Variants in ARHGEF3 observed in about 807,000 individuals in gnomAD.
ARHGEF3 encodes Rho guanine nucleotide exchange factor 3.
ARHGEF3 carries 28 observed loss-of-function variants against 63.2 expected under a neutral mutation model. The ratio of observed to expected loss-of-function variants is 0.44; its 90% CI spans 0.33 to 0.61. The LOEUF (loss-of-function observed/expected upper bound fraction) is 0.61, where lower values mean the gene tolerates loss of function less well. ARHGEF3 is among the 20% of genes least tolerant of loss of function. The pLI, the probability that ARHGEF3 is intolerant of heterozygous loss-of-function variation, is 0.03. For synonymous variants in ARHGEF3, 266 were observed against 254.2 expected, an observed-to-expected ratio of 1.05 and a Z score of -0.44; for missense variants, 533 against 659.3, an observed-to-expected ratio of 0.81 and a Z score of 2.10.
intron 2 of ARHGEF3, among the ~76,000 whole-genome samples, chr3:56,971,695 CA>C (rs1157880457): frequency 8.1e-5 from 12 of 147,996 alleles, no homozygotes; most frequent in South Asian, 2.2e-4. Context: ...ACTAAAAATA[CA>C]AAAAAAAAAT....
At chr3:56,958,914 C>T in intron 2 of ARHGEF3, 3 of 1,540,650 alleles carry the variant, frequency 1.9e-6, no homozygotes, top group Non-Finnish European at 2.6e-6. Flanking sequence ...ACAATGTATT[C>T]ATTATTCAGT....
intron 1 of ARHGEF3, among the ~76,000 whole-genome samples, 155 bp from the exon 2 acceptor site, chr3:56,773,971 T>C (rs1466125111): frequency 6.6e-6 from 1 of 152,188 alleles, no homozygotes; most frequent in Non-Finnish European, 1.5e-5. Context: ...TGTATGGAGA[T>C]GACCTGGCTT....
At chr3:56,831,794 C>T (rs1269097285) in intron 4 of ARHGEF3, among the ~76,000 whole-genome samples, 2 of 152,248 alleles carry the variant, frequency 1.3e-5, no homozygotes, top group African/African-American at 4.8e-5. Flanking sequence ...AGTTCCACAT[C>T]AACCAGTTAC....
chr3:56,817,340 G>A (rs1277305175), intron 4 of ARHGEF3, among the ~76,000 whole-genome samples: 2 of 152,132 alleles, frequency 1.3e-5, no homozygotes, highest in Admixed American at 1.3e-4. Flanking sequence ...GAGGAGGAAC[G>A]AATCTCTTCA....
intron 1 of ARHGEF3, among the ~76,000 whole-genome samples, chr3:56,783,104 C>A (rs2036636829): frequency 1.3e-5 from 2 of 152,054 alleles, no homozygotes; most frequent in Admixed American, 6.6e-5. Context: ...GTTGGCTGAG[C>A]TCACACAATG....
intron 7 of ARHGEF3, among the ~76,000 whole-genome samples, chr3:56,744,823 C>T (rs1283415525): frequency 1.3e-5 from 2 of 152,110 alleles, no homozygotes; most frequent in Non-Finnish European, 2.9e-5. Flanking sequence ...GTCCACTTCA[C>T]AAATGAGTTT....
intron 2 of ARHGEF3, among the ~76,000 whole-genome samples, chr3:57,002,498 T>TTATATATATATATGTTA (rs1702272523): frequency 5.2e-4 from 7 of 13,492 alleles, no homozygotes; most frequent in South Asian, 2.9e-3. Flanking sequence ...TATATATATG[T>TTATATATATATATGTTA]TATATATATA....
chr3:56,731,915 T>C (rs2033189631), intron 9 of ARHGEF3: 1 of 537,364 alleles, frequency 1.9e-6, no homozygotes, highest in East Asian at 3.1e-5. Flanking sequence ...TATCTGGTAT[T>C]AAGCATGTTT....
chr3:56,746,377 T>C (rs1300039987), intron 6 of ARHGEF3, among the ~76,000 whole-genome samples: 2 of 152,220 alleles, frequency 1.3e-5, no homozygotes, highest in East Asian at 3.8e-4. Flanking sequence ...AACAAATAAA[T>C]GCATGTTTAA....
chr3:56,824,702 C>T (rs1307203566), intron 4 of ARHGEF3, among the ~76,000 whole-genome samples: 4 of 152,214 alleles, frequency 2.6e-5, no homozygotes, highest in African/African-American at 7.2e-5. Context: ...CAGCTTTCCA[C>T]GTGCTTGCCT....
At chr3:56,942,189 T>G (rs1699220877) in intron 3 of ARHGEF3, among the ~76,000 whole-genome samples, 1 of 152,252 alleles carries the variant, frequency 6.6e-6, no homozygotes, top group Non-Finnish European at 1.5e-5. Context: ...ATCTCTCATT[T>G]TACTGCACTT....
At chr3:56,803,611 A>G (rs151287917), upstream of ARHGEF3, among the ~76,000 whole-genome samples, 794 of 152,174 alleles carry the variant, frequency 5.2e-3, 6 homozygotes, top group African/African-American at 0.018. Context: ...AGACCAGCCT[A>G]AGCAACATAG....
intron 3 of ARHGEF3, among the ~76,000 whole-genome samples, chr3:56,941,811 A>G (rs1699202940): frequency 6.6e-6 from 1 of 152,154 alleles, no homozygotes; most frequent in South Asian, 2.1e-4. Context: ...GTAAGAAGGG[A>G]TCACTTTAGT....
intron 2 of ARHGEF3, among the ~76,000 whole-genome samples, chr3:56,979,400 A>G (rs1701242017): frequency 6.6e-6 from 1 of 152,222 alleles, no homozygotes; most frequent in African/African-American, 2.4e-5. Context: ...TGGTAGGGCC[A>G]AGCTCGTTCC....
intron 2 of ARHGEF3, among the ~76,000 whole-genome samples, chr3:56,772,063 C>T (rs2036034805): frequency 6.6e-6 from 1 of 152,202 alleles, no homozygotes; most frequent in Non-Finnish European, 1.5e-5. Context: ...AGCCCTTCAT[C>T]TTGCTCTCCC....
intron 3 of ARHGEF3, among the ~76,000 whole-genome samples, chr3:56,942,564 T>C (rs1699240348): frequency 6.6e-6 from 1 of 152,166 alleles, no homozygotes. Flanking sequence ...ATATTGAAAT[T>C]AGGCCATTCA....
At chr3:56,884,185 G>A (rs1340306725) in intron 3 of ARHGEF3, among the ~76,000 whole-genome samples, 10 of 152,250 alleles carry the variant, frequency 6.6e-5, no homozygotes, top group African/African-American at 1.4e-4. Flanking sequence ...GGTGATGATG[G>A]CATTAGCTTC....
chr3:56,932,299 A>C (rs377375949), intron 3 of ARHGEF3, among the ~76,000 whole-genome samples: 2 of 152,324 alleles, frequency 1.3e-5, no homozygotes, highest in Admixed American at 6.5e-5. Flanking sequence ...CAAAACAAAA[A>C]AAAGTCATGT....
intron 2 of ARHGEF3, among the ~76,000 whole-genome samples, chr3:57,015,973 C>T (rs994765953): frequency 3.3e-5 from 5 of 152,084 alleles, no homozygotes; most frequent in Non-Finnish European, 5.9e-5. Context: ...CAGACAGAGA[C>T]CACAGAGGCA....
Sources: gnomAD v4.1 joint callset for allele counts (sites outside exome capture counted in the v4.1 genomes callset) on GRCh38, gnomAD v4.1.1 for gene constraint, MANE v1.5 for transcripts, NCBI Gene and HGNC (gene_info 2026-07-23, HGNC 2026-07-21) for gene names.